CEBPG: variants seen among roughly 807,000 people sequenced by gnomAD.
CEBPG encodes the protein CCAAT enhancer binding protein gamma, also known as CCAAT/enhancer-binding protein gamma.
A neutral mutation model predicts 11.1 loss-of-function variants in CEBPG; 6 were observed. That is an observed-to-expected ratio of 0.54 (90% confidence interval 0.30 to 1.07). The LOEUF is 1.07. Ranked by LOEUF, CEBPG falls within the 50% of genes least tolerant of loss-of-function variation. The pLI, the probability that CEBPG is intolerant of heterozygous loss-of-function variation, is 0.07. For missense variants in CEBPG, 161 were observed against 187.4 expected, an observed-to-expected ratio of 0.86 and a Z score of 0.82; for synonymous variants, 66 against 71.0, an observed-to-expected ratio of 0.93 and a Z score of 0.36.
In CEBPG at chr19:33,379,509, A is replaced by G. The variant is rs1462516683; in HGVS notation, c.270A>G (p.Thr90=). ...AAAGCAAGCAGAAAGCACAAGACAC[A>G]CTGCAGAGAGTCAATCAGCTCAAAG... The part of the protein sequence containing the change: ...RLKSKQKAQD[T]LQRVNQLKEE... The change falls in exon 2 of 2, where the codon ACA becomes ACG. Residue 90 remains threonine, a synonymous_variant. Transcript: ENST00000284000. 2 of 1,614,128 alleles carry G rather than the reference A, an allele frequency of 1.2e-6. No individual in the cohort carries two copies. Among genetic ancestry groups the G allele is most frequent in the Non-Finnish European group, 1.7e-6 (2 of 1,179,990 alleles).
At chr19:33,376,566 A>C (rs777610965) in intron 1 of CEBPG, among the ~76,000 whole-genome samples, 5 of 152,112 alleles carry the variant, frequency 3.3e-5, no homozygotes, top group Non-Finnish European at 7.3e-5. Context: ...TACATTTCTA[A>C]AGAGTTCCTG....
In CEBPG at chr19:33,379,566, A is replaced by G. The variant is rs759404575; in HGVS notation, c.327A>G (p.Lys109=). The part of the protein sequence containing the change: ...EENERLEAKI[K]LLTKELSVLK... Reference sequence around the variant, plus strand: ...ATGAACGGTTGGAAGCAAAAATCAAATTGCTGACCAAGGAATTAAGTGTAC... The same window carrying G: ...ATGAACGGTTGGAAGCAAAAATCAAGTTGCTGACCAAGGAATTAAGTGTAC... Residue 109 remains lysine, a synonymous_variant, in exon 2 of 2, where the codon AAA becomes AAG. Coordinates refer to ENST00000284000, the MANE Select transcript of CEBPG (RefSeq NM_001806.4). The G allele has an allele frequency of 1.2e-6, 2 of 1,613,956 alleles. No homozygotes were observed. The highest frequency in any genetic ancestry group is 1.7e-6 in the Non-Finnish European group (2 of 1,179,950).
At chr19:33,378,212 C>T (rs375364319) in intron 1 of CEBPG, among the ~76,000 whole-genome samples, 3 of 152,158 alleles carry the variant, frequency 2.0e-5, no homozygotes, top group African/African-American at 2.4e-5. Flanking sequence ...TTTTCGAAAC[C>T]GTGCCTTCAT....
chr19:33,379,099 A>G, intron 1 of CEBPG, 45 bp from the exon 2 acceptor site: 1 of 721,084 alleles, frequency 1.4e-6, no homozygotes, highest in Admixed American at 3.3e-5. Flanking sequence ...ATCTCATTTG[A>G]TCCTGTCATT....
chr19:33,375,058 C>T (rs1439211145), intron 1 of CEBPG, among the ~76,000 whole-genome samples: 2 of 152,174 alleles, frequency 1.3e-5, no homozygotes, highest in African/African-American at 4.8e-5. Context: ...GTAAACAAGG[C>T]TAAATAATTA....
rs958260739 is a variant in CEBPG at position 33,381,602 on chromosome 19, A to G, written c.*1910A>G. 1.2e-5 allele frequency: 2 copies of G among 167,212 alleles called. No individual in the cohort carries two copies. The highest frequency in any genetic ancestry group is 3.4e-3 in the Middle Eastern group (1 of 296). 10.4% of individuals were successfully genotyped at this position (167,212 alleles called of 1,614,324 possible). A position where few individuals can be genotyped will look rare whatever the true frequency, so the allele number is the denominator to read the frequency against. ...CCTTAGCAGCTGATTGGTGTTACAT[A>G]ATTAACTTAATTGGAGATGCATTAG... On this transcript the variant is annotated 3_prime_UTR_variant, in exon 2 of 2. Coordinates refer to ENST00000284000, the MANE Select transcript of CEBPG (RefSeq NM_001806.4).
In CEBPG at chr19:33,381,126, A is replaced by G. The variant is rs1329418065; in HGVS notation, c.*1434A>G. ...GCACAGTTCTAGCTCAAATTTGTGT[A>G]TTTTTTGTGTGCCTGGGCTGGAGAT... On this transcript the variant is annotated 3_prime_UTR_variant, in exon 2 of 2. Coordinates refer to ENST00000284000, the MANE Select transcript of CEBPG (RefSeq NM_001806.4). The G allele has an allele frequency of 6.0e-6, 1 of 166,444 alleles. No homozygotes were observed. The highest frequency in any genetic ancestry group is 2.4e-5 in the African/African-American group (1 of 41,232). 10.3% of individuals were successfully genotyped at this position (166,444 alleles called of 1,614,324 possible). A position where few individuals can be genotyped will look rare whatever the true frequency, so the allele number is the denominator to read the frequency against.
rs1393771212 is a variant in CEBPG at position 33,380,831 on chromosome 19, GT to G, written c.*1141del. The stretch of plus-strand genomic sequence containing the variant: ...CTTAAATACATCTTTTGATATTGTT[GT>G]TGTGACATTTCTTTTTCTGGTTAGT... On this transcript the variant is annotated 3_prime_UTR_variant, in exon 2 of 2. Transcript: ENST00000284000. 2.4e-5 allele frequency: 4 copies of G among 166,972 alleles called. No individual in the cohort carries two copies. The highest frequency in any genetic ancestry group is 9.6e-5 in the African/African-American group (4 of 41,550). The allele number at this position is 166,972 out of a possible 1,614,324, so 10.3% of individuals were successfully genotyped here. A position where few individuals can be genotyped will look rare whatever the true frequency, so the allele number is the denominator to read the frequency against.
In CEBPG at chr19:33,379,194, T is replaced by C; in HGVS notation, c.-46T>C. The C allele has an allele frequency of 6.7e-7, 1 of 1,486,348 alleles. No homozygotes were observed. Among genetic ancestry groups the C allele is most frequent in the South Asian group, 1.4e-5 (1 of 69,946 alleles). 92.1% of individuals were successfully genotyped at this position (1,486,348 alleles called of 1,614,324 possible). ...TTAGCGTGGAAACCATTGATCACCC[T>C]GCTCTCATTTCTACCTGTTCTGTGT... On this transcript the variant is annotated 5_prime_UTR_variant, in exon 2 of 2. Transcript: ENST00000284000.
rs541269389 is a variant in CEBPG at position 33,378,903 on chromosome 19, G to A, written c.-96-241G>A. 4.6e-5 allele frequency among the ~76,000 whole-genome samples: 7 copies of A among 152,316 alleles called. No individual in the cohort carries two copies. The South Asian group carries it at 1.4e-3, about 32-fold the overall frequency. The stretch of plus-strand genomic sequence containing the variant: ...TTTCCTCCCATTTTTGATAACAATC[G>A]CAGAGGGGCAGTGCCCTCAGGGATC... On this transcript the variant is annotated intron_variant, in intron 1 of 1. Coordinates refer to ENST00000284000, the MANE Select transcript of CEBPG (RefSeq NM_001806.4).
Position 33,381,765 on chromosome 19 carries a change from G to A in CEBPG, c.*2073G>A, listed in dbSNP as rs141248561. 49 of 167,166 alleles carry A rather than the reference G, an allele frequency of 2.9e-4. No homozygotes were observed. Among genetic ancestry groups the A allele is most frequent in the African/African-American group, 1.2e-3 (48 of 41,564 alleles). The allele number at this position is 167,166 out of a possible 1,614,324, so 10.4% of individuals were successfully genotyped here. Reference sequence around the variant, plus strand: ...TCTTGAAAAAGAAACTTTAGAGAAAGCATCAGGGGTGTGTACTCAGTATTT... The same window carrying A: ...TCTTGAAAAAGAAACTTTAGAGAAAACATCAGGGGTGTGTACTCAGTATTT... On this transcript the variant is annotated 3_prime_UTR_variant, in exon 2 of 2. Coordinates refer to ENST00000284000, the MANE Select transcript of CEBPG (RefSeq NM_001806.4).
chr19:33,379,638 A>G lies in CEBPG; in HGVS notation c.399A>G (p.Val133=), dbSNP rs148793217. ...LEHAHNLADN[V]QSISTENTTA... ...ATGCACACAACCTTGCAGACAACGT[A>G]CAGTCCATTAGCACTGAAAATACGA... The change falls in exon 2 of 2, where the codon GTA becomes GTG. Residue 133 remains valine (V), a synonymous_variant. Transcript: ENST00000284000. 4.2e-4 allele frequency: 678 copies of G among 1,614,136 alleles called. 7 individuals carry two copies. Among genetic ancestry groups the G allele is most frequent in the Admixed American group, 2.0e-4 (12 of 60,020 alleles).
chr19:33,376,952 T>C (rs1307868765), intron 1 of CEBPG, among the ~76,000 whole-genome samples: 1 of 152,252 alleles, frequency 6.6e-6, no homozygotes, highest in African/African-American at 2.4e-5. Context: ...TTCTTGGAGT[T>C]ATTTTGATTA....
chr19:33,379,890 A>G lies in CEBPG; in HGVS notation c.*198A>G, dbSNP rs950675196. The stretch of plus-strand genomic sequence containing the variant: ...TAATTCGAATATCTGGTTTTAAATG[A>G]TAGAGGTTTTTGTGGGAATCAAAAT... On this transcript the variant is annotated 3_prime_UTR_variant, in exon 2 of 2. Transcript: ENST00000284000. 1 of 503,616 alleles carries G rather than the reference A, an allele frequency of 2.0e-6. No individual in the cohort carries two copies. The highest frequency in any genetic ancestry group is 1.9e-5 in the African/African-American group (1 of 51,440). The allele number at this position is 503,616 out of a possible 1,614,324, so 31.2% of individuals were successfully genotyped here.
At chr19:33,378,082 C>T (rs535620614) in intron 1 of CEBPG, among the ~76,000 whole-genome samples, 15 of 152,286 alleles carry the variant, frequency 9.8e-5, no homozygotes, top group Admixed American at 3.9e-4. Context: ...TGGTGGACAC[C>T]GTTCACTGAA....
In CEBPG at chr19:33,373,744, C is replaced by G. The variant is rs1398107778; in HGVS notation, c.-248C>G. 1 of 151,474 alleles carries G rather than the reference C, an allele frequency of 6.6e-6. No homozygotes were observed. Among genetic ancestry groups the G allele is most frequent in the African/African-American group, 2.4e-5 (1 of 41,304 alleles). 9.4% of individuals were successfully genotyped at this position (151,474 alleles called of 1,614,324 possible). On this transcript the variant is annotated 5_prime_UTR_variant, in exon 1 of 2. Transcript: ENST00000284000. ...CCGGCGAGCAGGGGAAGCCGGTGGCCGCGGCTGCGGAACGGGCGGAGGCTG... is the reference window on the plus strand; with the variant it reads ...CCGGCGAGCAGGGGAAGCCGGTGGCGGCGGCTGCGGAACGGGCGGAGGCTG...
In CEBPG at chr19:33,379,544, A is replaced by T. The variant is rs369864633; in HGVS notation, c.305A>T (p.Glu102Val). 32 of 1,613,946 alleles carry T rather than the reference A, an allele frequency of 2.0e-5. No individual in the cohort carries two copies. Among genetic ancestry groups the T allele is most frequent in the Non-Finnish European group, 2.7e-5 (32 of 1,179,948 alleles). ...QRVNQLKEEN[E>V]RLEAKIKLLT... Reference sequence around the variant, plus strand: ...GTCAATCAGCTCAAAGAAGAGAATGAACGGTTGGAAGCAAAAATCAAATTG... The same window carrying T: ...GTCAATCAGCTCAAAGAAGAGAATGTACGGTTGGAAGCAAAAATCAAATTG... Residue 102 changes from glutamate to valine, a missense_variant, in exon 2 of 2, where the codon GAA becomes GTA. Physicochemically the swap from Glu to Val is moderately radical, Grantham distance 121. Transcript: ENST00000284000.
At chr19:33,378,778 GCAGGTGTCTCTCCTACTA>G in intron 1 of CEBPG, among the ~76,000 whole-genome samples, 1 of 152,258 alleles carries the variant, frequency 6.6e-6, no homozygotes, top group African/African-American at 2.4e-5. Context: ...CCCTTTCATT[GCAGGTGTCTCTCCTACTA>G]CAGTCAGCTG....
Position 33,380,939 on chromosome 19 carries a change from G to A in CEBPG, c.*1247G>A. On this transcript the variant is annotated 3_prime_UTR_variant, in exon 2 of 2. Transcript: ENST00000284000. ...CCCATAAATTATTTCAGAAAATGCT[G>A]ATAAAACTCAGGATATTGACATTTT... The A allele has an allele frequency of 6.0e-6, 1 of 167,086 alleles. No homozygotes were observed. The allele number at this position is 167,086 out of a possible 1,614,324, so 10.4% of individuals were successfully genotyped here.
Sources: allele counts gnomAD v4.1 joint callset (sites outside exome capture counted in the v4.1 genomes callset), GRCh38; gene constraint gnomAD v4.1.1; transcripts MANE v1.5; gene names NCBI Gene and HGNC (gene_info 2026-07-23, HGNC 2026-07-21).